Variants in DLG2 observed in about 807,000 individuals in gnomAD.
DLG2 encodes disks large homolog 2.
DLG2 carries 45 observed loss-of-function variants against 132.5 expected under a neutral mutation model. The ratio of observed to expected loss-of-function variants is 0.34; its 90% confidence interval spans 0.27 to 0.44. DLG2 has a LOEUF of 0.44. DLG2 is among the 20% of genes least tolerant of loss of function. DLG2 has a pLI of 1.00. For synonymous variants in DLG2, 424 were observed against 419.6 expected, an observed-to-expected ratio of 1.01 and a Z score of -0.13; for missense variants, 1,045 against 1,196.9, an observed-to-expected ratio of 0.87 and a Z score of 1.87.
In DLG2 at chr11:83,828,010, T is replaced by C. The variant is rs546679693; in HGVS notation, c.1722+5604A>G. Among the ~76,000 whole-genome samples the C allele has an allele frequency of 6.6e-5, 10 of 152,298 alleles. No individual in the cohort carries two copies. The East Asian group carries it at 1.7e-3, about 26-fold the overall frequency. On this transcript the variant is annotated intron_variant, in intron 17 of 27. Transcript: ENST00000376104. The stretch of plus-strand genomic sequence containing the variant: ...GCCCAAGGTGACAATTTCTTTGTCT[T>C]TGAGCATCTTAAATATTTAATTTTG...
chr11:85,113,051 G>A (rs1267828586), intron 5 of DLG2, among the ~76,000 whole-genome samples: 2 of 152,010 alleles, frequency 1.3e-5, no homozygotes, highest in Non-Finnish European at 2.9e-5. Context: ...CTAAAATGCT[G>A]TATGAGTGAC....
At chr11:83,470,131 ATAT>A (rs1483233518) in intron 24 of DLG2, among the ~76,000 whole-genome samples, 1 of 150,506 alleles carries the variant, frequency 6.6e-6, no homozygotes, top group Non-Finnish European at 1.5e-5. Flanking sequence ...GATATTCATT[ATAT>A]TATTTTATAA....
At chr11:85,219,747 T>A (rs1241881679) in intron 4 of DLG2, among the ~76,000 whole-genome samples, 1 of 149,672 alleles carries the variant, frequency 6.7e-6, no homozygotes, top group Non-Finnish European at 1.5e-5. Context: ...CTAGATTATA[T>A]CTGCAAAGAC....
intron 9 of DLG2, among the ~76,000 whole-genome samples, chr11:84,116,130 C>A (rs956245199): frequency 4.6e-5 from 7 of 152,104 alleles, no homozygotes; most frequent in East Asian, 3.9e-4. Flanking sequence ...GCAAGTGGGG[C>A]CTTTTGGGAG....
chr11:84,206,502 A>G (rs954520346), intron 8 of DLG2, among the ~76,000 whole-genome samples: 10 of 152,072 alleles, frequency 6.6e-5, no homozygotes, highest in Admixed American at 6.5e-5. Flanking sequence ...ACAAAATAGT[A>G]GCACACCAAA....
intron 3 of DLG2, 72 bp from the exon 4 acceptor site, chr11:85,285,437 C>T: frequency 2.2e-6 from 3 of 1,354,438 alleles, no homozygotes; most frequent in Non-Finnish European, 3.0e-6. Flanking sequence ...CATATATGTC[C>T]ATATATAGAC....
chr11:83,874,645 T>C (rs2064299456), intron 15 of DLG2, among the ~76,000 whole-genome samples, 157 bp from the exon 16 acceptor site: 1 of 152,196 alleles, frequency 6.6e-6, no homozygotes, highest in Non-Finnish European at 1.5e-5. Context: ...CATTAACTCG[T>C]CATTTAACAT....
At chr11:84,025,865 G>C (rs912824318) in intron 11 of DLG2, among the ~76,000 whole-genome samples, 1 of 152,028 alleles carries the variant, frequency 6.6e-6, no homozygotes, top group Admixed American at 6.6e-5. Context: ...AAGGACCAAA[G>C]CCAAATTGTG....
At chr11:83,766,287 G>GT (rs935939083) in intron 18 of DLG2, among the ~76,000 whole-genome samples, 3 of 151,638 alleles carry the variant, frequency 2.0e-5, no homozygotes, top group African/African-American at 7.3e-5. Context: ...TACAGATGGG[G>GT]TTTCACCATG....
chr11:85,141,070 C>T (rs2076438575), intron 5 of DLG2, among the ~76,000 whole-genome samples: 1 of 151,772 alleles, frequency 6.6e-6, no homozygotes, highest in Non-Finnish European at 1.5e-5. Context: ...TTCTTTTCTT[C>T]TGGATAAATA....
chr11:84,354,273 A>G (rs1003474231), intron 7 of DLG2, among the ~76,000 whole-genome samples: 4 of 152,190 alleles, frequency 2.6e-5, no homozygotes, highest in African/African-American at 7.2e-5. Flanking sequence ...TCAATGCATT[A>G]TAAGTATTGA....
At chr11:85,284,895 A>G (rs2078459376) in intron 4 of DLG2, among the ~76,000 whole-genome samples, 1 of 151,798 alleles carries the variant, frequency 6.6e-6, no homozygotes, top group Admixed American at 6.6e-5. Flanking sequence ...ACACTTCCCT[A>G]TTCTACCATC....
At chr11:85,165,150 T>C (rs546092664) in intron 4 of DLG2, among the ~76,000 whole-genome samples, 1 of 152,268 alleles carries the variant, frequency 6.6e-6, no homozygotes, top group South Asian at 2.1e-4. Context: ...CTCGGCACAA[T>C]GGAAAATTAA....
intron 6 of DLG2, among the ~76,000 whole-genome samples, chr11:84,876,356 T>C (rs2086350000): frequency 6.6e-6 from 1 of 152,208 alleles, no homozygotes; most frequent in Non-Finnish European, 1.5e-5. Context: ...TGCCTCAATT[T>C]CAGAACTTGT....
intron 3 of DLG2, among the ~76,000 whole-genome samples, chr11:85,560,715 T>G (rs1013455811): frequency 6.6e-6 from 1 of 151,874 alleles, no homozygotes; most frequent in Admixed American, 6.6e-5. Flanking sequence ...AAATTAGTCC[T>G]CTATAAATAT....
chr11:85,060,289 T>A (rs932970381), intron 6 of DLG2, among the ~76,000 whole-genome samples: 1 of 151,100 alleles, frequency 6.6e-6, no homozygotes, highest in African/African-American at 2.4e-5. Context: ...TTTCATTTTT[T>A]AAAGGCTAAG....
At chr11:84,906,783 A>G (rs2091565819) in intron 6 of DLG2, among the ~76,000 whole-genome samples, 1 of 152,194 alleles carries the variant, frequency 6.6e-6, no homozygotes. Context: ...TATTCAAATT[A>G]TCTCCTATCC....
At chr11:84,321,400 C>T (rs776507638) in intron 7 of DLG2, among the ~76,000 whole-genome samples, 13 of 152,116 alleles carry the variant, frequency 8.5e-5, no homozygotes, top group Non-Finnish European at 1.3e-4. Flanking sequence ...GTCAGTTAAA[C>T]GTCATTTTCT....
At chr11:84,100,293 G>T (rs534823905) in intron 9 of DLG2, among the ~76,000 whole-genome samples, 7 of 116,284 alleles carry the variant, frequency 6.0e-5, no homozygotes, top group South Asian at 2.8e-4. Flanking sequence ...TATCTAAAGA[G>T]ATATATATAT....
Sources: gnomAD v4.1 joint callset for allele counts (sites outside exome capture counted in the v4.1 genomes callset) on GRCh38, gnomAD v4.1.1 for gene constraint, MANE v1.5 for transcripts, NCBI Gene and HGNC (gene_info 2026-07-23, HGNC 2026-07-21) for gene names.